The following CLOCK variants were observed in gnomAD, a reference collection of about 807,000 sequenced individuals.
CLOCK encodes the protein circadian locomoter output cycles protein kaput.
CLOCK carries 43 observed loss-of-function variants against 118.4 expected under a neutral mutation model. The ratio of observed to expected loss-of-function variants is 0.36; its 90% CI spans 0.28 to 0.47. The LOEUF (loss-of-function observed/expected upper bound fraction) is 0.47, where lower values mean the gene tolerates loss of function less well. Among genes scored for constraint, CLOCK ranks in the 20% least tolerant of loss-of-function variants. The pLI is 1.00. For missense variants in CLOCK, 846 were observed against 999.9 expected, an observed-to-expected ratio of 0.85 and a Z score of 2.08; for synonymous variants, 326 against 339.2, an observed-to-expected ratio of 0.96 and a Z score of 0.43.
intron 9 of CLOCK, 138 bp from the exon 10 acceptor site, chr4:55,459,399 G>A (rs1315589930): frequency 4.6e-6 from 3 of 651,254 alleles, no homozygotes; most frequent in Non-Finnish European, 8.2e-6. Flanking sequence ...ATGACATTTA[G>A]TTCATAAAAG....
In CLOCK at chr4:55,427,907, T is replaced by G. The variant is rs573579010; in HGVS notation, c.*7508A>C. ...ATAAAAGAAAGGGAAATGTCATTGA[T>G]AGTGATCTTAAAATATTTAATAGTC... On this transcript the variant is annotated 3_prime_UTR_variant, in exon 23 of 23. Coordinates refer to ENST00000513440, the MANE Select transcript of CLOCK (RefSeq NM_004898.4). The G allele has an allele frequency of 4.6e-5, 7 of 152,366 alleles. No homozygotes were observed. The South Asian group carries it at 1.4e-3, about 32-fold the overall frequency. 9.4% of individuals were successfully genotyped at this position (152,366 alleles called of 1,614,324 possible).
intron 1 of CLOCK, among the ~76,000 whole-genome samples, chr4:55,515,683 T>G (rs1329419673): frequency 6.6e-6 from 1 of 152,124 alleles, no homozygotes; most frequent in East Asian, 1.9e-4. Flanking sequence ...ACGCCCAGCC[T>G]CTGCTCTAAT....
chr4:55,453,213 C>G, intron 14 of CLOCK, 84 bp from the exon 15 acceptor site: 1 of 1,088,550 alleles, frequency 9.2e-7, no homozygotes, highest in South Asian at 1.3e-5. Flanking sequence ...AGTGTTGTTA[C>G]GTGTCTCATC....
In CLOCK at chr4:55,534,538, T is replaced by G. The variant is rs17085882; in HGVS notation, c.-290+12244A>C. On this transcript the variant is annotated intron_variant, in intron 1 of 22. Transcript: ENST00000513440. ...TCTATCCTCACATGCTAATAGACTC[T>G]AATCCCCTACACCTTGATTTGGTTT... 9.7e-3 allele frequency among the ~76,000 whole-genome samples: 1,470 copies of G among 152,278 alleles called. 27 individuals carry two copies. The highest frequency in any genetic ancestry group is 0.034 in the African/African-American group (1,402 of 41,548).
At chr4:55,480,008 T>C (rs1203468564) in intron 4 of CLOCK, among the ~76,000 whole-genome samples, 4 of 152,224 alleles carry the variant, frequency 2.6e-5, no homozygotes, top group South Asian at 2.1e-4. Context: ...TAAAAACGTA[T>C]AGAAAGTCAG....
chr4:55,474,216 T>G (rs566511187), intron 7 of CLOCK, among the ~76,000 whole-genome samples: 2 of 152,186 alleles, frequency 1.3e-5, no homozygotes, highest in East Asian at 3.8e-4. Context: ...TGGAGAAAGT[T>G]TGAGTGGTCT....
intron 8 of CLOCK, among the ~76,000 whole-genome samples, chr4:55,464,383 G>C (rs1725584162): frequency 6.6e-6 from 1 of 152,210 alleles, no homozygotes; most frequent in African/African-American, 2.4e-5. Context: ...TTAATCAATA[G>C]CAATTTGACA....
At chr4:55,480,966 G>C (rs1726889144) in intron 4 of CLOCK, among the ~76,000 whole-genome samples, 2 of 151,968 alleles carry the variant, frequency 1.3e-5, no homozygotes, top group African/African-American at 4.8e-5. Context: ...AGCGGTTAGT[G>C]GGGGACACGT....
chr4:55,507,681 C>T (rs772780793), intron 2 of CLOCK, among the ~76,000 whole-genome samples: 1 of 152,050 alleles, frequency 6.6e-6, no homozygotes, highest in Non-Finnish European at 1.5e-5. Flanking sequence ...AAATTCTCTC[C>T]TCCAGTTAAC....
Position 55,526,740 on chromosome 4 carries a change from A to G in CLOCK, c.-289-16675T>C, listed in dbSNP as rs146718681. 3.6e-3 allele frequency among the ~76,000 whole-genome samples: 551 copies of G among 152,152 alleles called. 2 individuals carry two copies. Among genetic ancestry groups the G allele is most frequent in the African/African-American group, 0.013 (529 of 41,496 alleles). ...GAGGTGGTCAGTTCACGAGGTCAGG[A>G]GATCCAGACCATCCTGGCTAACACG... On this transcript the variant is annotated intron_variant, in intron 1 of 22. Transcript: ENST00000513440.
intron 9 of CLOCK, among the ~76,000 whole-genome samples, chr4:55,463,347 T>C (rs1226078697): frequency 2.6e-5 from 4 of 152,032 alleles, no homozygotes. Flanking sequence ...TTAGAATGTT[T>C]AATTTTCCCT....
At chr4:55,487,234 G>A (rs956779540) in intron 3 of CLOCK, among the ~76,000 whole-genome samples, 1 of 151,860 alleles carries the variant, frequency 6.6e-6, no homozygotes, top group Non-Finnish European at 1.5e-5. Flanking sequence ...TTACCTTTTG[G>A]TTTGGCCTTT....
chr4:55,483,947 T>C (rs1290739465), intron 3 of CLOCK, among the ~76,000 whole-genome samples: 3 of 152,178 alleles, frequency 2.0e-5, no homozygotes, highest in African/African-American at 7.2e-5. Flanking sequence ...AAATCCAAAA[T>C]ACTCCAAAAT....
At chr4:55,454,350 C>T (rs1724736770) in intron 13 of CLOCK, among the ~76,000 whole-genome samples, 1 of 152,056 alleles carries the variant, frequency 6.6e-6, no homozygotes, top group Non-Finnish European at 1.5e-5. Flanking sequence ...TGTGGTGGCT[C>T]ACGCCTGTAA....
At chr4:55,476,183 G>C in intron 6 of CLOCK, 129 bp from the exon 7 acceptor site, 1 of 675,190 alleles carries the variant, frequency 1.5e-6, no homozygotes, top group Non-Finnish European at 2.7e-6. Context: ...TTATTGGGTA[G>C]ATATCAAGAG....
At chr4:55,480,585 A>T (rs1726849033) in intron 4 of CLOCK, among the ~76,000 whole-genome samples, 1 of 152,190 alleles carries the variant, frequency 6.6e-6, no homozygotes, top group East Asian at 1.9e-4. Context: ...AGTAGATAGA[A>T]ACAAGTATAA....
chr4:55,539,381 C>T (rs958925726), intron 1 of CLOCK, among the ~76,000 whole-genome samples: 2 of 151,710 alleles, frequency 1.3e-5, no homozygotes, highest in African/African-American at 2.4e-5. Context: ...CAAGAACAGC[C>T]GGGGCAACAT....
chr4:55,525,015 T>A (rs1318170556), intron 1 of CLOCK, among the ~76,000 whole-genome samples: 2 of 152,238 alleles, frequency 1.3e-5, no homozygotes, highest in Middle Eastern at 3.2e-3. Flanking sequence ...TCCATTTTCA[T>A]ATTATCTTTT....
At chr4:55,445,105 T>TCCCGGTTAGCCTTGTCAGC (rs147009588) in intron 18 of CLOCK, among the ~76,000 whole-genome samples, 6 of 136,990 alleles carry the variant, frequency 4.4e-5, no homozygotes, top group Non-Finnish European at 4.9e-5. Context: ...ACGGGAAGCT[T>TCCCGGTTAGCCTTGTCAGC]TTAATATTTT....
Sources: allele counts gnomAD v4.1 joint callset (sites outside exome capture counted in the v4.1 genomes callset), GRCh38; gene constraint gnomAD v4.1.1; transcripts MANE v1.5; gene names NCBI Gene and HGNC (gene_info 2026-07-23, HGNC 2026-07-21).